The following SLC25A48 variants were observed in gnomAD, a reference collection of about 807,000 sequenced individuals.
SLC25A48 encodes the protein CTC-321K16.1.
SLC25A48 carries 29 observed loss-of-function variants against 32.2 expected under a neutral mutation model. That is an observed-to-expected ratio of 0.90 (90% CI 0.67 to 1.23). SLC25A48 has a LOEUF of 1.23. SLC25A48 is among the 50% of genes most tolerant of loss of function. SLC25A48 has a pLI of 0.00. For missense variants in SLC25A48, 399 were observed against 422.7 expected, an observed-to-expected ratio of 0.94 and a Z score of 0.49; for synonymous variants, 164 against 172.3, an observed-to-expected ratio of 0.95 and a Z score of 0.38.
chr5:135,654,649 C>T (rs1232243432), intron 3 of SLC25A48, among the ~76,000 whole-genome samples: 1 of 152,138 alleles, frequency 6.6e-6, no homozygotes, highest in Non-Finnish European at 1.5e-5. Context: ...GCTACACTAC[C>T]CAGTTATTTA....
At chr5:135,736,845 A>T (rs1465753268) in intron 3 of SLC25A48, among the ~76,000 whole-genome samples, 1 of 152,150 alleles carries the variant, frequency 6.6e-6, no homozygotes, top group Non-Finnish European at 1.5e-5. Context: ...AAATTAAGAG[A>T]AGGGAGAGAT....
chr5:135,752,912 G>A (rs1755803255), intron 3 of SLC25A48, among the ~76,000 whole-genome samples: 1 of 151,924 alleles, frequency 6.6e-6, no homozygotes, highest in South Asian at 2.1e-4. Flanking sequence ...ACTACATGGT[G>A]TACACCCCCT....
intron 3 of SLC25A48, among the ~76,000 whole-genome samples, chr5:135,786,134 AC>A (rs2126627376): frequency 6.9e-6 from 1 of 144,622 alleles, no homozygotes; most frequent in African/African-American, 2.6e-5. Flanking sequence ...AGGGTGGAAC[AC>A]CCCCCTTGCT....
At chr5:135,759,157 A>C (rs1352137299) in intron 3 of SLC25A48, among the ~76,000 whole-genome samples, 2 of 152,102 alleles carry the variant, frequency 1.3e-5, no homozygotes, top group Non-Finnish European at 2.9e-5. Flanking sequence ...CACATCTATG[A>C]TATGAACAAT....
At chr5:135,733,667 G>A (rs953502382) in intron 3 of SLC25A48, among the ~76,000 whole-genome samples, 1 of 152,202 alleles carries the variant, frequency 6.6e-6, no homozygotes, top group African/African-American at 2.4e-5. Flanking sequence ...GGATAAAAAG[G>A]CTACAGGGTG....
chr5:135,713,586 AG>A (rs1319524103), intron 3 of SLC25A48, among the ~76,000 whole-genome samples: 13 of 152,236 alleles, frequency 8.5e-5, no homozygotes, highest in Non-Finnish European at 1.9e-4. Context: ...GGCTCTTTAT[AG>A]CTTATAAGTA....
rs968036447 is a variant in SLC25A48 at position 135,742,424 on chromosome 5, T to A, written c.-520-70099T>A. On this transcript the variant is annotated intron_variant, in intron 3 of 10. Transcript: ENST00000646290. Reference sequence around the variant, plus strand: ...TAGCCATCACGACCCTCAGATAGAATGAACATCTCCCAGTGGTTCCTGAGG... The same window carrying A: ...TAGCCATCACGACCCTCAGATAGAAAGAACATCTCCCAGTGGTTCCTGAGG... 61 of 1,440,420 alleles carry A rather than the reference T, an allele frequency of 4.2e-5. 1 individual carries two copies. Among genetic ancestry groups the A allele is most frequent in the Admixed American group, 2.4e-5 (1 of 41,736 alleles). The allele number at this position is 1,440,420 out of a possible 1,614,324, so 89.2% of individuals were successfully genotyped here. A position where few individuals can be genotyped will look rare whatever the true frequency, so the allele number is the denominator to read the frequency against.
At chr5:135,642,428 G>T (rs1020866473) in intron 3 of SLC25A48, among the ~76,000 whole-genome samples, 1 of 152,236 alleles carries the variant, frequency 6.6e-6, no homozygotes, top group South Asian at 2.1e-4. Flanking sequence ...GACAGCCCCT[G>T]CCTGGTGGGC....
chr5:135,819,181 T>C (rs1340982348), intron 4 of SLC25A48, among the ~76,000 whole-genome samples: 1 of 151,294 alleles, frequency 6.6e-6, no homozygotes, highest in African/African-American at 2.4e-5. Context: ...AAAATAAAGA[T>C]CTAAAGCTTC....
intron 3 of SLC25A48, among the ~76,000 whole-genome samples, chr5:135,715,285 C>G (rs1286360313): frequency 6.6e-6 from 1 of 152,172 alleles, no homozygotes; most frequent in Non-Finnish European, 1.5e-5. Context: ...ACATTTCTGT[C>G]TCTTCCCTGC....
At chr5:135,679,800 G>C (rs1429539941) in intron 3 of SLC25A48, among the ~76,000 whole-genome samples, 2 of 152,146 alleles carry the variant, frequency 1.3e-5, no homozygotes, top group East Asian at 1.9e-4. Context: ...GTCTGCTGGA[G>C]CTGGGCTGTC....
intron 3 of SLC25A48, among the ~76,000 whole-genome samples, chr5:135,793,099 A>G (rs1329170259): frequency 6.6e-6 from 1 of 151,414 alleles, no homozygotes; most frequent in African/African-American, 2.4e-5. Context: ...TAGTCTCCTA[A>G]TATCACAGTA....
intron 3 of SLC25A48, among the ~76,000 whole-genome samples, chr5:135,720,392 C>T (rs1754923802): frequency 6.6e-6 from 1 of 152,214 alleles, no homozygotes. Flanking sequence ...TGGTGGTGGG[C>T]ACCAGGCCAT....
chr5:135,610,509 T>C (rs894492067), intron 1 of SLC25A48, among the ~76,000 whole-genome samples: 3 of 152,222 alleles, frequency 2.0e-5, no homozygotes, highest in Non-Finnish European at 4.4e-5. Context: ...CCATGTCCTT[T>C]CCAGGGTAGT....
chr5:135,845,649 G>A (rs1392732147), intron 2 of SLC25A48, among the ~76,000 whole-genome samples: 1 of 152,196 alleles, frequency 6.6e-6, no homozygotes, highest in Non-Finnish European at 1.5e-5. Context: ...TGTAAAGTGG[G>A]CAAGTAGCAC....
intron 3 of SLC25A48, among the ~76,000 whole-genome samples, chr5:135,761,681 A>G (rs374384915): frequency 6.6e-6 from 1 of 152,236 alleles, no homozygotes; most frequent in East Asian, 1.9e-4. Context: ...ATTGTTTTCA[A>G]TCTCTCTTAA....
chr5:135,658,032 C>T (rs1339733525), intron 3 of SLC25A48, among the ~76,000 whole-genome samples: 3 of 152,194 alleles, frequency 2.0e-5, no homozygotes, highest in African/African-American at 7.2e-5. Flanking sequence ...CTCCTGGCCA[C>T]TCCAAAATCT....
At chr5:135,656,579 T>G (rs562394393) in intron 3 of SLC25A48, among the ~76,000 whole-genome samples, 140 of 152,236 alleles carry the variant, frequency 9.2e-4, no homozygotes, top group Non-Finnish European at 1.5e-3. Flanking sequence ...AAAATAGACA[T>G]GTTGAAATTC....
chr5:135,736,803 C>A (rs1755371586), intron 3 of SLC25A48, among the ~76,000 whole-genome samples: 1 of 152,108 alleles, frequency 6.6e-6, no homozygotes, highest in Non-Finnish European at 1.5e-5. Context: ...TAAAACGCAT[C>A]TCCTGTCTCT....
Sources: gnomAD v4.1 joint callset for allele counts (sites outside exome capture counted in the v4.1 genomes callset) on GRCh38, gnomAD v4.1.1 for gene constraint, MANE v1.5 for transcripts, NCBI Gene and HGNC (gene_info 2026-07-23, HGNC 2026-07-21) for gene names.